The following VTI1A variants were observed in gnomAD, a reference collection of about 807,000 sequenced individuals.
VTI1A encodes vesicle transport through interaction with t-SNAREs homolog 1A.
A neutral mutation model predicts 34.9 loss-of-function variants in VTI1A; 22 were observed. The observed-to-expected ratio is 0.63, with a 90% confidence interval of 0.45 to 0.90. The LOEUF (loss-of-function observed/expected upper bound fraction) is 0.90, where lower values mean the gene tolerates loss of function less well. Among genes scored for constraint, VTI1A ranks in the 40% least tolerant of loss-of-function variants. The probability of loss-of-function intolerance (pLI) is 0.00; values close to 1 mark genes in which losing one functional copy is unlikely to be tolerated. For missense variants in VTI1A, 268 were observed against 275.6 expected (o/e 0.97, Z 0.20); for synonymous variants, 87 against 97.3 (o/e 0.89, Z 0.62).
intron 7 of VTI1A, among the ~76,000 whole-genome samples, chr10:112,742,866 T>A (rs912186256): frequency 6.6e-6 from 1 of 152,208 alleles, no homozygotes; most frequent in Non-Finnish European, 1.5e-5. Flanking sequence ...AAATACAGTT[T>A]GAGATAATAA....
chr10:112,681,792 T>C (rs143169729), intron 7 of VTI1A, among the ~76,000 whole-genome samples: 3 of 152,326 alleles, frequency 2.0e-5, no homozygotes, highest in African/African-American at 4.8e-5. Flanking sequence ...ATACTGCATG[T>C]TGACTATACA....
chr10:112,709,598 C>G (rs958484568), intron 7 of VTI1A, among the ~76,000 whole-genome samples: 1 of 150,786 alleles, frequency 6.6e-6, no homozygotes, highest in African/African-American at 2.4e-5. Context: ...GCCCATCTTT[C>G]AGTTCCCTGT....
the VTI1A span, among the ~76,000 whole-genome samples, chr10:112,855,230 C>T: frequency 6.6e-6 from 1 of 152,246 alleles, no homozygotes; most frequent in East Asian, 1.9e-4. Flanking sequence ...TTTTCTCTGC[C>T]CTTTCTGGCA....
intron 5 of VTI1A, among the ~76,000 whole-genome samples, chr10:112,600,333 C>T (rs1471129955): frequency 6.6e-6 from 1 of 152,170 alleles, no homozygotes; most frequent in Non-Finnish European, 1.5e-5. Flanking sequence ...CAAAACTGTC[C>T]AATGACTTCC....
At chr10:112,566,014 A>G (rs937735546) in intron 5 of VTI1A, among the ~76,000 whole-genome samples, 3 of 152,090 alleles carry the variant, frequency 2.0e-5, no homozygotes, top group African/African-American at 4.8e-5. Context: ...TTTAAAATTT[A>G]TTATAATTTA....
Position 112,613,525 on chromosome 10 carries a change from T to G in VTI1A, c.428-54693T>G, listed in dbSNP as rs149776583. On this transcript the variant is annotated intron_variant, in intron 5 of 7. Coordinates refer to ENST00000393077, the MANE Select transcript of VTI1A (RefSeq NM_145206.4). ...GCTCATTCTCTCTCGGCCTCTTTTT[T>G]TCTCTTCTCCTTCTGCCTTTTGCTC... 1.2e-3 allele frequency among the ~76,000 whole-genome samples: 178 copies of G among 152,332 alleles called. 1 individual carries two copies. The highest frequency in any genetic ancestry group is 3.8e-3 in the African/African-American group (156 of 41,562).
chr10:112,793,962 G>T (rs1852583103), intron 7 of VTI1A, among the ~76,000 whole-genome samples: 1 of 152,160 alleles, frequency 6.6e-6, no homozygotes, highest in African/African-American at 2.4e-5. Context: ...GACTGAGTCT[G>T]ACCTGCATAA....
intron 7 of VTI1A, among the ~76,000 whole-genome samples, chr10:112,756,757 G>C (rs1851295080): frequency 6.6e-6 from 1 of 152,046 alleles, no homozygotes; most frequent in Non-Finnish European, 1.5e-5. Flanking sequence ...TCTTTAAGAT[G>C]TATCATTTGG....
chr10:112,487,724 C>A (rs891929042), intron 3 of VTI1A, among the ~76,000 whole-genome samples: 8 of 152,148 alleles, frequency 5.3e-5, no homozygotes, highest in Admixed American at 1.3e-4. Flanking sequence ...ATTACTCCAA[C>A]TTAGTCTTTC....
intron 3 of VTI1A, among the ~76,000 whole-genome samples, chr10:112,468,011 A>G (rs1048815974): frequency 3.3e-5 from 5 of 152,372 alleles, no homozygotes; most frequent in South Asian, 4.1e-4. Flanking sequence ...GAGATACATT[A>G]TGTAAAGTGA....
At chr10:112,649,573 T>C (rs1433070839) in intron 5 of VTI1A, among the ~76,000 whole-genome samples, 3 of 152,206 alleles carry the variant, frequency 2.0e-5, no homozygotes, top group African/African-American at 7.2e-5. Flanking sequence ...AATTCAAGTA[T>C]GGCTACAAGA....
chr10:112,713,326 A>AT lies in VTI1A; in HGVS notation c.560+44336dup, dbSNP rs983140121. 3.9e-5 allele frequency among the ~76,000 whole-genome samples: 6 copies of AT among 151,954 alleles called. No homozygotes were observed. The South Asian group carries it at 8.3e-4, about 21-fold the overall frequency. On this transcript the variant is annotated intron_variant, in intron 7 of 7. Coordinates refer to ENST00000393077, the MANE Select transcript of VTI1A (RefSeq NM_145206.4). ...TCAAAACTGAAGGACCTCGCATATG[A>AT]TTTTTTTTACCATTATTGTCAAGAT... is the stretch of plus-strand genomic sequence containing the variant.
At chr10:112,495,510 G>A (rs1032668601) in intron 3 of VTI1A, among the ~76,000 whole-genome samples, 1 of 152,050 alleles carries the variant, frequency 6.6e-6, no homozygotes, top group Non-Finnish European at 1.5e-5. Context: ...GGGCAAGTTG[G>A]TTTTATTTTG....
chr10:112,737,683 G>A (rs963402839), intron 7 of VTI1A: 69 of 1,055,554 alleles, frequency 6.5e-5, no homozygotes, highest in South Asian at 3.7e-4. Flanking sequence ...ATCCATGTGC[G>A]GATGACTGTC....
At chr10:112,452,121 A>G (rs560962683) in intron 1 of VTI1A, among the ~76,000 whole-genome samples, 1 of 152,260 alleles carries the variant, frequency 6.6e-6, no homozygotes, top group South Asian at 2.1e-4. Flanking sequence ...CTGATTCAGG[A>G]ACTCACTGCT....
At chr10:112,508,583 A>G (rs1177372263) in intron 3 of VTI1A, among the ~76,000 whole-genome samples, 1 of 152,198 alleles carries the variant, frequency 6.6e-6, no homozygotes, top group East Asian at 1.9e-4. Flanking sequence ...ATGACAACCA[A>G]GTATGCATTT....
chr10:112,681,057 A>T (rs966629249), intron 7 of VTI1A, among the ~76,000 whole-genome samples: 1 of 150,396 alleles, frequency 6.6e-6, no homozygotes, highest in African/African-American at 2.5e-5. Context: ...AAACTGTTGA[A>T]TTTTTCTCTT....
intron 2 of VTI1A, among the ~76,000 whole-genome samples, chr10:112,463,681 A>T (rs528959887): frequency 2.0e-5 from 3 of 152,080 alleles, no homozygotes; most frequent in Non-Finnish European, 2.9e-5. Context: ...GTAATTTAGC[A>T]TATTACTGTA....
At chr10:112,740,753 A>G (rs1850667029) in intron 7 of VTI1A, among the ~76,000 whole-genome samples, 1 of 152,208 alleles carries the variant, frequency 6.6e-6, no homozygotes, top group Non-Finnish European at 1.5e-5. Context: ...ACTTTGGAAA[A>G]CAGTTTGGCA....
Sources: allele counts gnomAD v4.1 joint callset (sites outside exome capture counted in the v4.1 genomes callset), GRCh38; gene constraint gnomAD v4.1.1; transcripts MANE v1.5; gene names NCBI Gene and HGNC (gene_info 2026-07-23, HGNC 2026-07-21).